DRC11: variants seen among roughly 807,000 people sequenced by gnomAD.
The protein encoded by DRC11 is dynein regulatory complex subunit 11, also known as IQ and AAA domain-containing protein 1.
the DRC11 span, among the ~76,000 whole-genome samples, chr2:236,312,613 A>C: frequency 6.6e-6 from 1 of 152,124 alleles, no homozygotes; most frequent in Non-Finnish European, 1.5e-5. Flanking sequence ...GAAAAAAGTA[A>C]AAATTAATGA....
chr2:236,408,460 A>T, the DRC11 span: 1 of 739,956 alleles, frequency 1.4e-6, no homozygotes. The surrounding 1 kb of genome is among the most constrained non-coding windows in gnomAD (Gnocchi z 5.5). Flanking sequence ...GTTCACAGGT[A>T]TGGGCTGCTC....
the DRC11 span, among the ~76,000 whole-genome samples, chr2:236,357,302 C>A: frequency 2.7e-5 from 3 of 112,486 alleles, no homozygotes; most frequent in African/African-American, 3.7e-5. Context: ...ATTATATATT[C>A]ATATAGATCT....
chr2:236,423,443 T>A, the DRC11 span, among the ~76,000 whole-genome samples: 3 of 151,922 alleles, frequency 2.0e-5, no homozygotes, highest in Admixed American at 2.0e-4. Context: ...AAACGACACA[T>A]GAAAACATGC....
the DRC11 span, among the ~76,000 whole-genome samples, chr2:236,491,029 G>A: frequency 2.2e-5 from 3 of 135,716 alleles, no homozygotes; most frequent in Non-Finnish European, 3.1e-5. Flanking sequence ...ATATATATGT[G>A]TGTATATATA....
At chr2:236,347,521 T>C in the DRC11 span, among the ~76,000 whole-genome samples, 4 of 144,606 alleles carry the variant, frequency 2.8e-5, no homozygotes, top group Non-Finnish European at 6.2e-5. Flanking sequence ...TATATATATA[T>C]ATATATGATG....
chr2:236,362,798 C>G, the DRC11 span, among the ~76,000 whole-genome samples: 1 of 152,102 alleles, frequency 6.6e-6, no homozygotes, highest in African/African-American at 2.4e-5. This position sits in a 1 kb window ranked among gnomAD's most constrained non-coding sequence, Gnocchi z 5.7. Context: ...CTACAGTTTC[C>G]TCTCTGAACG....
At chr2:236,424,260 A>G in the DRC11 span, among the ~76,000 whole-genome samples, 1 of 152,316 alleles carries the variant, frequency 6.6e-6, no homozygotes, top group South Asian at 2.1e-4. Context: ...AATTATGAGC[A>G]GCTGAAAAGA....
chr2:236,436,902 T>C, the DRC11 span, among the ~76,000 whole-genome samples: 1 of 152,206 alleles, frequency 6.6e-6, no homozygotes, highest in Non-Finnish European at 1.5e-5. Flanking sequence ...ATAATTTGTT[T>C]TATATCAATA....
At chr2:236,491,254 A>ATATATATATATATATATACACAG in the DRC11 span, among the ~76,000 whole-genome samples, 3 of 80,128 alleles carry the variant, frequency 3.7e-5, no homozygotes, top group Admixed American at 3.6e-4. Flanking sequence ...CAGTATATAT[A>ATATATATATATATATATACACAG]TATATATATA....
At chr2:236,485,525 T>G in the DRC11 span, among the ~76,000 whole-genome samples, 1 of 152,178 alleles carries the variant, frequency 6.6e-6, no homozygotes, top group Non-Finnish European at 1.5e-5. Context: ...CTTTGTTTCT[T>G]TTCTTTTTAA....
the DRC11 span, among the ~76,000 whole-genome samples, chr2:236,401,599 G>A: frequency 6.6e-6 from 1 of 152,218 alleles, no homozygotes; most frequent in Non-Finnish European, 1.5e-5. The surrounding 1 kb of genome is among the most constrained non-coding windows in gnomAD (Gnocchi z 4.6). Context: ...ACAGAAAGGA[G>A]CGAACACAGA....
chr2:236,465,546 C>T, the DRC11 span: 1 of 1,614,016 alleles, frequency 6.2e-7, no homozygotes, highest in South Asian at 1.1e-5. This position sits in a 1 kb window ranked among gnomAD's most constrained non-coding sequence, Gnocchi z 6.2. Flanking sequence ...CTTGAAGGTT[C>T]TCCTTGATAT....
the DRC11 span, among the ~76,000 whole-genome samples, chr2:236,331,149 A>G: frequency 5.9e-5 from 9 of 152,338 alleles, no homozygotes; most frequent in African/African-American, 1.4e-4. This position sits in a 1 kb window ranked among gnomAD's most constrained non-coding sequence, Gnocchi z 4.8. Context: ...CTGTTAATAT[A>G]TAAGGCCACA....
chr2:236,451,386 T>G, the DRC11 span, among the ~76,000 whole-genome samples: 1 of 151,926 alleles, frequency 6.6e-6, no homozygotes, highest in African/African-American at 2.4e-5. Context: ...TAGATATATA[T>G]GAGTATAGCT....
chr2:236,486,548 G>A, the DRC11 span, among the ~76,000 whole-genome samples: 16 of 151,640 alleles, frequency 1.1e-4, no homozygotes, highest in Non-Finnish European at 7.4e-5. This position sits in a 1 kb window ranked among gnomAD's most constrained non-coding sequence, Gnocchi z 5.7. Flanking sequence ...ATATAGTGGT[G>A]TGCACTGCTG....
chr2:236,468,363 A>T, the DRC11 span, among the ~76,000 whole-genome samples: 1 of 152,218 alleles, frequency 6.6e-6, no homozygotes, highest in Non-Finnish European at 1.5e-5. Context: ...AAGTGATGGG[A>T]TCACAGGGGT....
At chr2:236,441,116 G>A in the DRC11 span, 19 of 1,556,044 alleles carry the variant, frequency 1.2e-5, no homozygotes, top group Admixed American at 1.9e-5. Flanking sequence ...AAATGTCCCG[G>A]TTAAATTTCT....
At chr2:236,462,050 A>G in the DRC11 span, among the ~76,000 whole-genome samples, 4 of 152,108 alleles carry the variant, frequency 2.6e-5, no homozygotes, top group Non-Finnish European at 5.9e-5. This position sits in a 1 kb window ranked among gnomAD's most constrained non-coding sequence, Gnocchi z 6.4. Context: ...TCGGTCAAAG[A>G]GCGGGGTGAA....
At chr2:236,422,185 T>C in the DRC11 span, among the ~76,000 whole-genome samples, 6 of 152,204 alleles carry the variant, frequency 3.9e-5, no homozygotes, top group Non-Finnish European at 4.4e-5. Flanking sequence ...ATATTCAACA[T>C]AGTATTGGAA....
Sources: gnomAD v4.1 joint callset for allele counts (sites outside exome capture counted in the v4.1 genomes callset) on GRCh38, gnomAD v4.1.1 for gene constraint, Gnocchi (gnomAD v3.1) non-coding constraint, MANE v1.5 for transcripts, NCBI Gene and HGNC (gene_info 2026-07-23, HGNC 2026-07-21) for gene names.